The following MS4A18 variants were observed in gnomAD, a reference collection of about 807,000 sequenced individuals.
MS4A18 encodes membrane spanning 4-domains A18, also known as membrane-spanning 4-domains subfamily A member 18.
In MS4A18, 27 loss-of-function variants were observed where a neutral mutation model predicts 13.1. That is an observed-to-expected ratio of 2.06 (90% CI 1.52 to 2.84). MS4A18 has a LOEUF of 2.84. MS4A18 is among the 30% of genes most tolerant of loss of function. MS4A18 has a pLI of 0.00. For synonymous variants in MS4A18, 126 were observed against 76.5 expected (o/e 1.65, Z -3.38); for missense variants, 307 against 196.4 (o/e 1.56, Z -3.37).
chr11:60,737,089 C>T, intron 3 of MS4A18, 55 bp downstream of exon 4: 1 of 697,636 alleles, frequency 1.4e-6, no homozygotes, highest in Non-Finnish European at 2.6e-6. Flanking sequence ...TGACTCTCTA[C>T]CAAACATGAA....
chr11:60,735,562 C>A (rs528157703), intron 2 of MS4A18, among the ~76,000 whole-genome samples: 22 of 141,042 alleles, frequency 1.6e-4, no homozygotes, highest in African/African-American at 5.6e-4. Context: ...TGGTCTCGAT[C>A]TCCTGACCTT....
intron 2 of MS4A18, among the ~76,000 whole-genome samples, 191 bp downstream of exon 3, chr11:60,733,838 C>T (rs1369085015): frequency 2.0e-5 from 3 of 152,070 alleles, no homozygotes; most frequent in Admixed American, 6.5e-5. Flanking sequence ...CCACCACCAC[C>T]CTCCCCATCT....
exon 3 of MS4A18, chr11:60,736,993 T>A (rs1290220818): frequency 2.8e-6 from 2 of 701,924 alleles, no homozygotes; most frequent in Non-Finnish European, 5.2e-6. Flanking sequence ...TGTATCTGGA[T>A]CCCTCTCAGT....
upstream of MS4A18, among the ~76,000 whole-genome samples, chr11:60,728,360 G>A (rs1456692942): frequency 6.6e-6 from 1 of 152,050 alleles, no homozygotes; most frequent in African/African-American, 2.4e-5. Flanking sequence ...AGAGTCAAAA[G>A]GACATCAAAG....
Position 60,734,764 on chromosome 11 carries a change from A to ATTTTC in MS4A18, c.591+1137_591+1141dup, listed in dbSNP as rs1156795869. Reference sequence around the variant, plus strand: ...GGTGGCTGGTTGCACAACAATATGAATTTTCTTTTCTTTTCTTTTCTTTTT... The same window carrying ATTTTC: ...GGTGGCTGGTTGCACAACAATATGAATTTTCTTTTCTTTTCTTTTCTTTTCTTTTT... On this transcript the variant is annotated intron_variant, in intron 2 of 5. Coordinates refer to ENST00000529108, the Ensembl canonical transcript of MS4A18. Among the ~76,000 whole-genome samples the ATTTTC allele has an allele frequency of 9.5e-4, 141 of 148,154 alleles. 2 individuals carry two copies. The highest frequency in any genetic ancestry group is 3.1e-3 in the African/African-American group (126 of 40,136).
chr11:60,734,122 G>A (rs1853300296), intron 2 of MS4A18, among the ~76,000 whole-genome samples: 3 of 152,094 alleles, frequency 2.0e-5, no homozygotes, highest in Admixed American at 2.0e-4. Flanking sequence ...TGGGTGTGGT[G>A]GTGTGCACTT....
At chr11:60,727,114 G>C (rs1313391190), upstream of MS4A18, among the ~76,000 whole-genome samples, 3 of 152,140 alleles carry the variant, frequency 2.0e-5, no homozygotes, top group Non-Finnish European at 2.9e-5. Context: ...TGGCTGCATA[G>C]TATTCCATGG....
chr11:60,733,437 TG>T, intron 1 of MS4A18, 96 bp from the exon 3 acceptor site: 1 of 691,756 alleles, frequency 1.4e-6, no homozygotes, highest in Non-Finnish European at 2.6e-6. Flanking sequence ...CAATCACCCC[TG>T]GGGTGATTCT....
intron 4 of MS4A18, among the ~76,000 whole-genome samples, chr11:60,739,230 C>T (rs76104146): frequency 0.041 from 6,268 of 152,200 alleles, 168 homozygotes; most frequent in Non-Finnish European, 0.059. Context: ...CTTGACCTCT[C>T]CTCGTACCTA....
At chr11:60,729,229 AAAGAT>A, upstream of MS4A18, 1 of 629,876 alleles carries the variant, frequency 1.6e-6, no homozygotes, top group South Asian at 1.8e-5. Flanking sequence ...AGATGAAACT[AAAGAT>A]AAGAATGAGA....
At chr11:60,736,517 G>T (rs2134678501) in intron 2 of MS4A18, among the ~76,000 whole-genome samples, 1 of 152,226 alleles carries the variant, frequency 6.6e-6, no homozygotes, top group East Asian at 1.9e-4. Context: ...AGCAGATGAG[G>T]CCACAGCCCA....
At chr11:60,738,881 C>T (rs1426333458) in intron 3 of MS4A18, 21 bp from the exon 5 acceptor site, 1 of 702,994 alleles carries the variant, frequency 1.4e-6, no homozygotes, top group Admixed American at 2.0e-5. Flanking sequence ...CTCCCTCTCT[C>T]CTCTCCCTCC....
intron 1 of MS4A18, among the ~76,000 whole-genome samples, chr11:60,732,707 G>A (rs930055250): frequency 2.4e-4 from 35 of 148,184 alleles, no homozygotes; most frequent in Middle Eastern, 3.4e-3. Context: ...CTCCAGCCTG[G>A]GCGACAGGGC....
At chr11:60,735,303 G>A (rs1853317500) in intron 2 of MS4A18, among the ~76,000 whole-genome samples, 1 of 151,620 alleles carries the variant, frequency 6.6e-6, no homozygotes, top group African/African-American at 2.4e-5. Context: ...TATGCCCCGA[G>A]AGGTAACCAC....
intron 5 of MS4A18, among the ~76,000 whole-genome samples, chr11:60,742,043 A>G (rs1007981436): frequency 1.3e-5 from 2 of 152,238 alleles, no homozygotes; most frequent in Non-Finnish European, 2.9e-5. Context: ...GCTCCATAAT[A>G]ATTCTGAAAT....
exon 6 of MS4A18, chr11:60,743,670 C>T (rs749647139): frequency 1.6e-5 from 11 of 702,918 alleles, no homozygotes; most frequent in African/African-American, 7.0e-5. Context: ...TGATTCCAAC[C>T]GTATTCAGTT....
At chr11:60,740,297 G>C (rs1299988371) in intron 4 of MS4A18, among the ~76,000 whole-genome samples, 1 of 151,986 alleles carries the variant, frequency 6.6e-6, no homozygotes, top group Non-Finnish European at 1.5e-5. Context: ...GATGAGAGGA[G>C]CTCAGTGATC....
chr11:60,732,873 A>G (rs1486201715), intron 1 of MS4A18, among the ~76,000 whole-genome samples: 1 of 152,148 alleles, frequency 6.6e-6, no homozygotes. Context: ...CCTCTCAAAC[A>G]TGCTCTTGAG....
Position 60,729,709 on chromosome 11 carries a change from C to T in MS4A18, c.394C>T (p.Gln132Ter). The stretch of plus-strand genomic sequence containing the variant: ...GCTGACACACACCTCAAACTCATCC[C>T]AGTGGAACACGTCATTTGCATCATT... The change falls in exon 1 of 6, where the codon CAG becomes TAG. Residue 132 changes from glutamine to a stop codon, truncating the protein, a stop_gained. Coordinates refer to ENST00000529108, the Ensembl canonical transcript of MS4A18. LOFTEE classifies it high-confidence loss of function. 1.4e-6 allele frequency: 1 copy of T among 702,764 alleles called. No homozygotes were observed. Among genetic ancestry groups the T allele is most frequent in the Non-Finnish European group, 2.6e-6 (1 of 384,812 alleles). 43.5% of individuals were successfully genotyped at this position (702,764 alleles called of 1,614,324 possible). A position where few individuals can be genotyped will look rare whatever the true frequency, so the allele number is the denominator to read the frequency against.
Sources: allele counts gnomAD v4.1 joint callset (sites outside exome capture counted in the v4.1 genomes callset), GRCh38; gene constraint gnomAD v4.1.1; transcripts MANE v1.5; gene names NCBI Gene and HGNC (gene_info 2026-07-23, HGNC 2026-07-21).